The following PLCH1 variants were observed in gnomAD, a reference collection of about 807,000 sequenced individuals.
The protein encoded by PLCH1 is 1-phosphatidylinositol 4,5-bisphosphate phosphodiesterase eta-1.
Under a neutral mutation model 126.7 loss-of-function variants are expected in PLCH1, and 60 were observed. The ratio of observed to expected loss-of-function variants is 0.47; its 90% CI spans 0.38 to 0.59. The LOEUF (loss-of-function observed/expected upper bound fraction) is 0.59, where lower values mean the gene tolerates loss of function less well. PLCH1 is among the 20% of genes least tolerant of loss of function. PLCH1 has a pLI of 0.00. For synonymous variants in PLCH1, 719 were observed against 734.9 expected (o/e 0.98, Z 0.35); for missense variants, 1,723 against 2,040.0 (o/e 0.84, Z 2.99).
intron 1 of PLCH1, among the ~76,000 whole-genome samples, chr3:155,706,510 C>G (rs1276601655): frequency 6.7e-6 from 1 of 150,084 alleles, no homozygotes. Flanking sequence ...ATCCCATCTA[C>G]TCAGGAGGCT....
At chr3:155,490,309 C>A (rs1424244479) in intron 19 of PLCH1, among the ~76,000 whole-genome samples, 2 of 152,076 alleles carry the variant, frequency 1.3e-5, no homozygotes, top group Admixed American at 1.3e-4. Flanking sequence ...AAGAATGCTG[C>A]CCCTCCAATC....
rs1714973055 is a variant in PLCH1, at chr3:155,485,720, C to A, written c.2620-10G>T. ...CCTGGAGTTGTCTGTTCTGAAGACA[C>A]AAAAGAACCAACCACAAGTTAAGCA... is the stretch of plus-strand genomic sequence containing the variant. On this transcript the variant is annotated splice_polypyrimidine_tract_variant and intron_variant, in intron 21 of 22. Transcript: ENST00000460012. 1 of 1,530,886 alleles carries A rather than the reference C, an allele frequency of 6.5e-7. No individual in the cohort carries two copies. Among genetic ancestry groups the A allele is most frequent in the East Asian group, 2.3e-5 (1 of 44,112 alleles). The allele number at this position is 1,530,886 out of a possible 1,614,324, so 94.8% of individuals were successfully genotyped here.
intron 8 of PLCH1, among the ~76,000 whole-genome samples, chr3:155,557,172 G>A (rs143400668): frequency 2.0e-4 from 31 of 152,250 alleles, no homozygotes; most frequent in South Asian, 6.2e-4. Context: ...CAAGAGAAGC[G>A]TCATCCATAT....
rs1355712293 is a variant in PLCH1, at chr3:155,481,515, T to C, written c.4511A>G (p.Gln1504Arg). The C allele has an allele frequency of 2.5e-6, 4 of 1,614,080 alleles. No individual in the cohort carries two copies. The highest frequency in any genetic ancestry group is 1.7e-5 in the Admixed American group (1 of 60,006). ...DIACNFESKY[Q>R]CISKSFVTTG... ...TGTAACAAAACTCTTACTAATACAC[T>C]GGTACTTGCTCTCAAAATTGCAGGC... The change falls in exon 23 of 23, where the codon CAG becomes CGG. Residue 1504 changes from glutamine to arginine, a missense_variant. Gln to Arg is a conservative substitution (Grantham distance 43). Transcript: ENST00000460012. This position sits in a 1 kb window ranked among gnomAD's most constrained non-coding sequence, Gnocchi z 4.2.
chr3:155,488,627 C>A, intron 20 of PLCH1, 33 bp downstream of exon 20: 1 of 1,554,172 alleles, frequency 6.4e-7, no homozygotes, highest in South Asian at 1.2e-5. Flanking sequence ...AAGGAATGGT[C>A]AGTCTAGAGA....
chr3:155,696,323 C>T (rs1745795954), intron 2 of PLCH1, among the ~76,000 whole-genome samples: 2 of 152,126 alleles, frequency 1.3e-5, no homozygotes, highest in Admixed American at 6.5e-5. Context: ...AGTTTTTCAA[C>T]TTTCTTTTGA....
chr3:155,694,480 T>G (rs971608124), intron 2 of PLCH1, among the ~76,000 whole-genome samples: 3 of 152,226 alleles, frequency 2.0e-5, no homozygotes, highest in Non-Finnish European at 4.4e-5. Flanking sequence ...ATTCTCACAT[T>G]GGCACAATTT....
intron 2 of PLCH1, among the ~76,000 whole-genome samples, chr3:155,628,877 T>C (rs193176628): frequency 5.2e-4 from 79 of 152,284 alleles, no homozygotes; most frequent in Admixed American, 9.8e-4. Context: ...AACATATATA[T>C]GGGAGATGTT....
chr3:155,551,444 GAAAAAAAAAAAAAAAAAAAAAAAAAAAA>G (rs59794505), intron 9 of PLCH1, among the ~76,000 whole-genome samples: 1 of 42,054 alleles, frequency 2.4e-5, no homozygotes, highest in Non-Finnish European at 3.8e-5. Context: ...GGCTGCCTCA[GAAAAAAAAAAAAAAAAAAAAAAAAAAAA>G]AAAAAAAAGC....
At chr3:155,577,829 T>G (rs1468629752) in intron 6 of PLCH1, among the ~76,000 whole-genome samples, 3 of 152,226 alleles carry the variant, frequency 2.0e-5, no homozygotes, top group African/African-American at 7.2e-5. Context: ...GTAATTCCAC[T>G]AGCCTGAATG....
intron 2 of PLCH1, among the ~76,000 whole-genome samples, chr3:155,597,027 T>A (rs1256878113): frequency 6.6e-6 from 1 of 152,226 alleles, no homozygotes; most frequent in African/African-American, 2.4e-5. Flanking sequence ...TCACTTATAG[T>A]CCAAGTTAAA....
chr3:155,471,215 T>C (rs1371519472), intron 21 of PLCH1, among the ~76,000 whole-genome samples: 3 of 151,858 alleles, frequency 2.0e-5, no homozygotes, highest in Non-Finnish European at 4.4e-5. Flanking sequence ...AGGCTCAAAA[T>C]AAAAGGATGG....
intron 21 of PLCH1, among the ~76,000 whole-genome samples, chr3:155,464,873 G>A (rs1712869700): frequency 6.6e-6 from 1 of 152,150 alleles, no homozygotes; most frequent in Non-Finnish European, 1.5e-5. Context: ...CACTTTGGGA[G>A]GCCAAGGCAG....
chr3:155,660,681 C>T (rs909620741), intron 2 of PLCH1, among the ~76,000 whole-genome samples: 1 of 152,182 alleles, frequency 6.6e-6, no homozygotes, highest in Non-Finnish European at 1.5e-5. Context: ...ACTTTTCTAT[C>T]CATCTACCCA....
chr3:155,543,174 A>T (rs1399161465), intron 10 of PLCH1, among the ~76,000 whole-genome samples: 1 of 152,224 alleles, frequency 6.6e-6, no homozygotes, highest in Non-Finnish European at 1.5e-5. Flanking sequence ...TAGAAGAACC[A>T]ATACAGAGAA....
In PLCH1 at chr3:155,659,302, C is replaced by CTTTTTTTTTTTTT. The variant is rs753258422; in HGVS notation, c.79+44831_79+44843dup. ...CCAGGCGTGAGATGTCTATTCACTTCTTTTTTTTTTTTTTTTTTTTTTTTT... is the reference window on the plus strand; with the variant it reads ...CCAGGCGTGAGATGTCTATTCACTTCTTTTTTTTTTTTTTTTTTTTTTTTTTTTTTTTTTTTTT... On this transcript the variant is annotated intron_variant, in intron 2 of 22. Transcript: ENST00000460012. Among the ~76,000 whole-genome samples, 10 of 30,848 alleles carry CTTTTTTTTTTTTT rather than the reference C, an allele frequency of 3.2e-4. 3 individuals carry two copies. The highest frequency in any genetic ancestry group is 1.6e-3 in the Admixed American group (3 of 1,830). 20.2% of individuals were successfully genotyped at this position (30,848 alleles called of 152,430 possible).
chr3:155,619,187 C>T (rs1162389193), intron 2 of PLCH1, among the ~76,000 whole-genome samples: 1 of 148,054 alleles, frequency 6.8e-6, no homozygotes, highest in Non-Finnish European at 1.5e-5. Context: ...ACATTCTAAA[C>T]ACAGAGTAAG....
chr3:155,715,699 A>G (rs1029709383), intron 1 of PLCH1, among the ~76,000 whole-genome samples: 1 of 149,698 alleles, frequency 6.7e-6, no homozygotes, highest in African/African-American at 2.5e-5. Context: ...TGCAGCCTCA[A>G]CCTCCTAGGA....
In PLCH1 at chr3:155,511,697, C is replaced by T. The variant is rs1425174872; in HGVS notation, c.1632+3026G>A. Among the ~76,000 whole-genome samples, 9 of 142,194 alleles carry T rather than the reference C, an allele frequency of 6.3e-5. No individual in the cohort carries two copies. In the East Asian group the frequency reaches 1.0e-3, roughly 16 times the overall value. 93.3% of individuals were successfully genotyped at this position (142,194 alleles called of 152,430 possible). A position where few individuals can be genotyped will look rare whatever the true frequency, so the allele number is the denominator to read the frequency against. Reference sequence around the variant, plus strand: ...GGGGTCAGGGACCCACTTGAGGAGGCAGTCTGCCCGTTCTCAGATCTCCAG... The same window carrying T: ...GGGGTCAGGGACCCACTTGAGGAGGTAGTCTGCCCGTTCTCAGATCTCCAG... On this transcript the variant is annotated intron_variant, in intron 12 of 22. Transcript: ENST00000460012.
Sources: allele counts gnomAD v4.1 joint callset (sites outside exome capture counted in the v4.1 genomes callset), GRCh38; gene constraint gnomAD v4.1.1; non-coding constraint Gnocchi (gnomAD v3.1); transcripts MANE v1.5; gene names NCBI Gene and HGNC (gene_info 2026-07-23, HGNC 2026-07-21).